The following WDR70 variants were observed in gnomAD, a reference collection of about 807,000 sequenced individuals.
WDR70 encodes the protein WD repeat domain 70, also known as WD repeat-containing protein 70.
Under a neutral mutation model 88.6 loss-of-function variants are expected in WDR70, and 53 were observed. The ratio of observed to expected loss-of-function variants is 0.60; its 90% confidence interval spans 0.48 to 0.75. The LOEUF (loss-of-function observed/expected upper bound fraction) is 0.75. Among genes scored for constraint, WDR70 ranks in the 30% least tolerant of loss-of-function variants. WDR70 has a pLI of 0.00. For missense variants in WDR70, 610 were observed against 823.2 expected, an observed-to-expected ratio of 0.74 and a Z score of 3.17; for synonymous variants, 280 against 270.0, an observed-to-expected ratio of 1.04 and a Z score of -0.36.
intron 10 of WDR70, among the ~76,000 whole-genome samples, chr5:37,648,210 G>A (rs890802627): frequency 1.3e-5 from 2 of 152,156 alleles, no homozygotes; most frequent in African/African-American, 2.4e-5. Flanking sequence ...AAACTTGCAA[G>A]GTATTTTAAT....
At position 37,483,248 on chromosome 5, in the gene WDR70, G is replaced by A. The variant is rs1441763424; in HGVS notation, c.840+3261G>A. On this transcript the variant is annotated intron_variant, in intron 8 of 17. Coordinates refer to ENST00000265107, the MANE Select transcript of WDR70 (RefSeq NM_018034.4). ...GGTTTTCCTAGGCAGAGGACCCTGC[G>A]GCCTTCCGCAGTGTTTGTGTCCCTG... Among the ~76,000 whole-genome samples, 3 of 151,826 alleles carry A rather than the reference G, an allele frequency of 2.0e-5. No homozygotes were observed. The East Asian group carries it at 5.8e-4, about 29-fold the overall frequency.
At chr5:37,737,804 T>C (rs1214021786) in intron 17 of WDR70, among the ~76,000 whole-genome samples, 2 of 152,292 alleles carry the variant, frequency 1.3e-5, no homozygotes, top group Middle Eastern at 3.4e-3. Flanking sequence ...TCTCTTTTCC[T>C]GTCTCTTTCT....
intron 7 of WDR70, 140 bp from the exon 8 acceptor site, chr5:37,479,694 T>C (rs1739599413): frequency 2.0e-6 from 2 of 995,918 alleles, no homozygotes; most frequent in Admixed American, 4.9e-5. Flanking sequence ...TAGAACCCAT[T>C]TGAGGTTGAT....
Position 37,563,088 on chromosome 5 carries a change from C to G in WDR70, c.918-41976C>G, listed in dbSNP as rs1362059095. ...GGCCGGGCGGGGGGCTGACCCCCCC[C>G]GCCTCCCTCCCGGACGGGGCGGCTG... On this transcript the variant is annotated intron_variant, in intron 9 of 17. Coordinates refer to ENST00000265107, the MANE Select transcript of WDR70 (RefSeq NM_018034.4). 1.1e-4 allele frequency among the ~76,000 whole-genome samples: 6 copies of G among 54,102 alleles called. 2 individuals are homozygous for G. Among genetic ancestry groups the G allele is most frequent in the African/African-American group, 5.0e-5 (1 of 20,078 alleles). The allele number at this position is 54,102 out of a possible 152,430, so 35.5% of individuals were successfully genotyped here.
intron 3 of WDR70, among the ~76,000 whole-genome samples, chr5:37,383,738 C>T (rs1029040448): frequency 1.3e-5 from 2 of 152,046 alleles, no homozygotes; most frequent in African/African-American, 4.8e-5. Flanking sequence ...TGCCAACACG[C>T]CTGGCTAATT....
At chr5:37,517,392 A>C (rs1740921018) in intron 9 of WDR70, among the ~76,000 whole-genome samples, 2 of 142,854 alleles carry the variant, frequency 1.4e-5, no homozygotes, top group South Asian at 4.4e-4. Flanking sequence ...TTTGAGATGG[A>C]GTTTCGCTCT....
intron 17 of WDR70, among the ~76,000 whole-genome samples, chr5:37,738,398 A>G (rs1481657029): frequency 6.6e-6 from 1 of 152,190 alleles, no homozygotes; most frequent in Non-Finnish European, 1.5e-5. Context: ...AAGGAATCAT[A>G]TCAGAGGAAC....
At chr5:37,583,788 T>C (rs1295842303) in intron 9 of WDR70, among the ~76,000 whole-genome samples, 1 of 152,206 alleles carries the variant, frequency 6.6e-6, no homozygotes, top group Non-Finnish European at 1.5e-5. Context: ...TTCTTTAACA[T>C]ACATCACATT....
At chr5:37,645,296 T>C (rs1745203491) in intron 10 of WDR70, among the ~76,000 whole-genome samples, 1 of 152,072 alleles carries the variant, frequency 6.6e-6, no homozygotes, top group African/African-American at 2.4e-5. Context: ...TTTGTATCAT[T>C]TCCAAATTCC....
At chr5:37,601,771 G>A (rs1239127747) in intron 9 of WDR70, among the ~76,000 whole-genome samples, 6 of 151,948 alleles carry the variant, frequency 3.9e-5, no homozygotes, top group Non-Finnish European at 8.8e-5. Context: ...ACATGCACAC[G>A]TATGTTTATT....
intron 7 of WDR70, among the ~76,000 whole-genome samples, chr5:37,444,680 A>C (rs1297082286): frequency 6.6e-6 from 1 of 151,850 alleles, no homozygotes; most frequent in Non-Finnish European, 1.5e-5. Flanking sequence ...ACCATATCTG[A>C]TCTTCTGGCA....
At chr5:37,679,649 G>A (rs1746359444) in intron 10 of WDR70, among the ~76,000 whole-genome samples, 2 of 152,216 alleles carry the variant, frequency 1.3e-5, no homozygotes, top group African/African-American at 2.4e-5. Flanking sequence ...CTACTGGGGG[G>A]TGCCTCCCAG....
intron 10 of WDR70, among the ~76,000 whole-genome samples, chr5:37,648,754 T>G (rs1400736397): frequency 1.3e-5 from 2 of 152,184 alleles, no homozygotes; most frequent in Non-Finnish European, 2.9e-5. Context: ...TTTGTCTTCT[T>G]TAAGGAAGGA....
At chr5:37,552,871 A>G (rs1462185510) in intron 9 of WDR70, among the ~76,000 whole-genome samples, 1 of 152,202 alleles carries the variant, frequency 6.6e-6, no homozygotes, top group Non-Finnish European at 1.5e-5. Context: ...AGTTACAGCA[A>G]TAGGATGGAA....
intron 9 of WDR70, among the ~76,000 whole-genome samples, chr5:37,595,688 A>C (rs376968389): frequency 1.2e-4 from 19 of 152,180 alleles, no homozygotes; most frequent in African/African-American, 4.6e-4. Flanking sequence ...AGGTCACATA[A>C]ATTGTAATTA....
intron 9 of WDR70, among the ~76,000 whole-genome samples, chr5:37,524,454 C>T (rs1165967632): frequency 6.6e-6 from 1 of 152,140 alleles, no homozygotes; most frequent in Non-Finnish European, 1.5e-5. Flanking sequence ...ACCACCAGGC[C>T]TGCCCTACAA....
At chr5:37,516,725 A>ATATATT (rs1197472263) in intron 9 of WDR70, 135 bp downstream of exon 9, 1,858 of 128,050 alleles carry the variant, frequency 0.015, 41 homozygotes, top group African/African-American at 0.05. Flanking sequence ...ATATATATAT[A>ATATATT]TTTTTTTTTT....
At chr5:37,752,414 A>G in intron 17 of WDR70, 72 bp from the exon 18 acceptor site, 3 of 1,188,166 alleles carry the variant, frequency 2.5e-6, no homozygotes, top group Non-Finnish European at 3.6e-6. Flanking sequence ...CACTTGATGA[A>G]GGAAGCAAAA....
intron 9 of WDR70, among the ~76,000 whole-genome samples, chr5:37,521,929 G>T (rs1741105901): frequency 6.6e-6 from 1 of 152,150 alleles, no homozygotes; most frequent in South Asian, 2.1e-4. Context: ...TCTACTTTTA[G>T]TTCTTTAAGT....
Sources: gnomAD v4.1 joint callset for allele counts (sites outside exome capture counted in the v4.1 genomes callset) on GRCh38, gnomAD v4.1.1 for gene constraint, MANE v1.5 for transcripts, NCBI Gene and HGNC (gene_info 2026-07-23, HGNC 2026-07-21) for gene names.